CTDSP2: variants seen among roughly 807,000 people sequenced by gnomAD.
The protein encoded by CTDSP2 is CTD small phosphatase 2.
A neutral mutation model predicts 31.6 loss-of-function variants in CTDSP2; 9 were observed. The ratio of observed to expected loss-of-function variants is 0.28; its 90% CI spans 0.17 to 0.50. The LOEUF (loss-of-function observed/expected upper bound fraction) is 0.50, where lower values mean the gene tolerates loss of function less well. Ranked by LOEUF, CTDSP2 falls within the 20% of genes least tolerant of loss-of-function variation. The probability of loss-of-function intolerance (pLI) is 0.98; values close to 1 mark genes in which losing one functional copy is unlikely to be tolerated. For missense variants in CTDSP2, 267 were observed against 348.5 expected (o/e 0.77, Z 1.86); for synonymous variants, 134 against 134.5 (o/e 1.00, Z 0.03).
In CTDSP2 at chr12:57,829,531, A is replaced by G. The variant is rs1195422665; in HGVS notation, c.130T>C (p.Cys44Arg). Residue 44 changes from cysteine (C) to arginine (R), a missense_variant, in exon 2 of 8, where the codon TGT becomes CGT. Physicochemically the swap from Cys to Arg is radical, Grantham distance 180. Transcript: ENST00000398073. ...GRNIFKALFCCFRAQHVGQSS... is the reference protein window; with the variant it reads ...GRNIFKALFCRFRAQHVGQSS... ...TGGCCAACATGCTGGGCGCGAAAAC[A>G]GCAGAAAAGGGCCTTGAAGATGTTA... The G allele has an allele frequency of 6.2e-7, 1 of 1,614,212 alleles. No individual in the cohort carries two copies. The highest frequency in any genetic ancestry group is 8.5e-7 in the Non-Finnish European group (1 of 1,180,044).
intron 2 of CTDSP2, among the ~76,000 whole-genome samples, chr12:57,828,223 C>T (rs1956194969): frequency 6.6e-6 from 1 of 152,066 alleles, no homozygotes; most frequent in Admixed American, 6.6e-5. Context: ...AGTTCGAGAC[C>T]AGCCTGATCA....
chr12:57,844,657 C>T (rs1956302921), intron 1 of CTDSP2, among the ~76,000 whole-genome samples: 2 of 152,146 alleles, frequency 1.3e-5, no homozygotes, highest in African/African-American at 4.8e-5. Flanking sequence ...TAAACACACG[C>T]AGGCTCCCTT....
intron 1 of CTDSP2, among the ~76,000 whole-genome samples, chr12:57,846,120 G>A (rs1335334856): frequency 6.6e-6 from 1 of 152,220 alleles, no homozygotes; most frequent in African/African-American, 2.4e-5. Context: ...CAGCCCCGAG[G>A]GGGAGGGGTT....
rs539383860 is a variant in CTDSP2 at position 57,826,445 on chromosome 12, A to G, written c.355-43T>C. 1.4e-5 allele frequency: 22 copies of G among 1,593,932 alleles called. No individual in the cohort carries two copies. In the East Asian group the frequency reaches 2.7e-4, roughly 19 times the overall value. ...TAATGCTGTCAGCATGGTGGCAAAG[A>G]AACATGAGGCCCCCACCATACCCCT... On this transcript the variant is annotated intron_variant, in intron 4 of 7. Transcript: ENST00000398073.
At chr12:57,825,980 A>G (rs1956180282) in intron 5 of CTDSP2, among the ~76,000 whole-genome samples, 1 of 152,212 alleles carries the variant, frequency 6.6e-6, no homozygotes, top group Admixed American at 6.5e-5. Context: ...ACAGGTATAG[A>G]TACCTTTCTT....
chr12:57,824,097 G>A lies in CTDSP2; in HGVS notation c.505-8C>T. ...TGTCACAGGGTCGGCATACTAGGAG[G>A]AGAGAAGATGCCTTAGTTTGGATAC... On this transcript the variant is annotated splice_region_variant and splice_polypyrimidine_tract_variant and intron_variant, in intron 6 of 7. Coordinates refer to ENST00000398073, the MANE Select transcript of CTDSP2 (RefSeq NM_005730.4). The A allele has an allele frequency of 6.2e-7, 1 of 1,613,818 alleles. No homozygotes were observed. Among genetic ancestry groups the A allele is most frequent in the South Asian group, 1.1e-5 (1 of 91,062 alleles).
chr12:57,823,593 C>T lies in CTDSP2; in HGVS notation c.*9G>A. On this transcript the variant is annotated 3_prime_UTR_variant, in exon 8 of 8. Transcript: ENST00000398073. Reference sequence around the variant, plus strand: ...TACTGGGATGGCCGTCGCTTGGAAGCAGGGCAGGCTAAGGGGCCCGCAGCT... The same window carrying T: ...TACTGGGATGGCCGTCGCTTGGAAGTAGGGCAGGCTAAGGGGCCCGCAGCT... 5.6e-6 allele frequency: 9 copies of T among 1,613,544 alleles called. No individual in the cohort carries two copies. The highest frequency in any genetic ancestry group is 7.6e-6 in the Non-Finnish European group (9 of 1,179,904).
chr12:57,831,941 C>A (rs905038556), intron 1 of CTDSP2, among the ~76,000 whole-genome samples: 1 of 152,150 alleles, frequency 6.6e-6, no homozygotes, highest in Non-Finnish European at 1.5e-5. Context: ...CTGCCAGTAC[C>A]CCCTGGAGAG....
intron 2 of CTDSP2, among the ~76,000 whole-genome samples, chr12:57,827,934 GGCAAACTCTC>G (rs1304104362): frequency 6.6e-6 from 1 of 152,134 alleles, no homozygotes; most frequent in African/African-American, 2.4e-5. Context: ...TCCTCACAGT[GGCAAACTCTC>G]GCTAAGTCCT....
chr12:57,842,431 C>A (rs1311294468), intron 1 of CTDSP2: 1 of 152,208 alleles, frequency 6.6e-6, no homozygotes, highest in Non-Finnish European at 1.5e-5. Context: ...CAAAGGAACA[C>A]CCCCACCTCT....
rs567917663 is a variant in CTDSP2 at position 57,836,003 on chromosome 12, G to A, written c.65-6407C>T. Among the ~76,000 whole-genome samples the A allele has an allele frequency of 3.3e-4, 50 of 152,304 alleles. No homozygotes were observed. In the South Asian group the frequency reaches 8.1e-3, roughly 25 times the overall value. On this transcript the variant is annotated intron_variant, in intron 1 of 7. Coordinates refer to ENST00000398073, the MANE Select transcript of CTDSP2 (RefSeq NM_005730.4). Reference sequence around the variant, plus strand: ...TGCTAACTCTAAAGCTAAATGCTGCGCTTGTTTTAATTAATTATCCAAGGG... The same window carrying A: ...TGCTAACTCTAAAGCTAAATGCTGCACTTGTTTTAATTAATTATCCAAGGG...
At chr12:57,836,598 C>T (rs1019475533) in intron 1 of CTDSP2, among the ~76,000 whole-genome samples, 13 of 152,128 alleles carry the variant, frequency 8.5e-5, no homozygotes, top group Admixed American at 5.9e-4. Context: ...GCCGTGATTG[C>T]ACCACTGCAC....
At chr12:57,828,359 C>T (rs916887300) in intron 2 of CTDSP2, among the ~76,000 whole-genome samples, 9 of 148,694 alleles carry the variant, frequency 6.1e-5, no homozygotes, top group African/African-American at 2.2e-4. Context: ...GCGGAGGTTG[C>T]GGTGAGCCAA....
At chr12:57,826,237 T>G in intron 5 of CTDSP2, 109 bp downstream of exon 5, 2 of 750,552 alleles carry the variant, frequency 2.7e-6, no homozygotes, top group Non-Finnish European at 4.3e-6. Context: ...AGAAAAGGGA[T>G]CAACTGACAG....
At chr12:57,823,866 C>CCCAAT in intron 7 of CTDSP2, 38 bp downstream of exon 7, 1 of 1,611,810 alleles carries the variant, frequency 6.2e-7, no homozygotes, top group Non-Finnish European at 8.5e-7. Context: ...TGCTTCCTCT[C>CCCAAT]CCAATCCCTA....
Position 57,822,660 on chromosome 12 carries a change from G to C in CTDSP2, c.*942C>G, listed in dbSNP as rs1034727664. 6.6e-6 allele frequency: 1 copy of C among 152,230 alleles called. No individual in the cohort carries two copies. The highest frequency in any genetic ancestry group is 1.5e-5 in the Non-Finnish European group (1 of 68,048). 9.4% of individuals were successfully genotyped at this position (152,230 alleles called of 1,614,324 possible). A position where few individuals can be genotyped will look rare whatever the true frequency, so the allele number is the denominator to read the frequency against. On this transcript the variant is annotated 3_prime_UTR_variant, in exon 8 of 8. Transcript: ENST00000398073. ...AAAGCAGACTTATGGAAATGATCCC[G>C]AGCTTAGCTGATCCACAAGCCATGG...
chr12:57,844,428 C>A (rs922987029), intron 1 of CTDSP2, among the ~76,000 whole-genome samples: 1 of 152,166 alleles, frequency 6.6e-6, no homozygotes, highest in African/African-American at 2.4e-5. Flanking sequence ...CCAGCTTTCC[C>A]TTACTCCTCG....
intron 1 of CTDSP2, among the ~76,000 whole-genome samples, chr12:57,845,850 A>G (rs759111788): frequency 8.1e-4 from 123 of 151,990 alleles, no homozygotes; most frequent in Non-Finnish European, 1.3e-3. Flanking sequence ...CCAAGAGGTG[A>G]ACTTGGTCCC....
At chr12:57,833,441 C>G (rs923038785) in intron 1 of CTDSP2, among the ~76,000 whole-genome samples, 1 of 152,246 alleles carries the variant, frequency 6.6e-6, no homozygotes, top group Admixed American at 6.5e-5. Flanking sequence ...TCAGGCATCC[C>G]TCATTCCCCA....
Sources: gnomAD v4.1 joint callset for allele counts (sites outside exome capture counted in the v4.1 genomes callset) on GRCh38, gnomAD v4.1.1 for gene constraint, MANE v1.5 for transcripts, NCBI Gene and HGNC (gene_info 2026-07-23, HGNC 2026-07-21) for gene names.